ADAMTS3: variants seen among roughly 807,000 people sequenced by gnomAD.
The protein encoded by ADAMTS3 is A disintegrin and metalloproteinase with thrombospondin motifs 3.
Under a neutral mutation model 129.0 loss-of-function variants are expected in ADAMTS3, and 73 were observed. The ratio of observed to expected loss-of-function variants is 0.57; its 90% CI spans 0.47 to 0.69. The LOEUF is 0.69. Ranked by LOEUF, ADAMTS3 falls within the 30% of genes least tolerant of loss-of-function variation. The probability of loss-of-function intolerance (pLI) is 0.00; values close to 1 mark genes in which losing one functional copy is unlikely to be tolerated. For missense variants in ADAMTS3, 1,457 were observed against 1,514.5 expected (o/e 0.96, Z 0.63); for synonymous variants, 477 against 510.8 (o/e 0.93, Z 0.89).
At chr4:72,530,208 T>C (rs1296370701) in intron 3 of ADAMTS3, among the ~76,000 whole-genome samples, 4 of 45,414 alleles carry the variant, frequency 8.8e-5, no homozygotes, top group Non-Finnish European at 1.6e-4. Context: ...TTAACATATG[T>C]TATTTTAATA....
At chr4:72,486,332 C>T (rs755335382) in intron 3 of ADAMTS3, among the ~76,000 whole-genome samples, 7 of 152,132 alleles carry the variant, frequency 4.6e-5, no homozygotes, top group Non-Finnish European at 7.4e-5. Context: ...AGTACTGAGG[C>T]CACCTTGGTT....
chr4:72,378,232 T>C (rs973684834), intron 4 of ADAMTS3, among the ~76,000 whole-genome samples: 1 of 152,180 alleles, frequency 6.6e-6, no homozygotes, highest in Middle Eastern at 3.2e-3. Context: ...ACACTAAGCC[T>C]ATGAATGAAG....
intron 3 of ADAMTS3, among the ~76,000 whole-genome samples, chr4:72,525,724 C>G (rs1228650454): frequency 6.6e-6 from 1 of 152,186 alleles, no homozygotes; most frequent in Non-Finnish European, 1.5e-5. Flanking sequence ...CACAGTCTCC[C>G]TCACCTGTCC....
chr4:72,296,095 A>G (rs981825552), intron 18 of ADAMTS3, among the ~76,000 whole-genome samples: 3 of 152,062 alleles, frequency 2.0e-5, no homozygotes, highest in African/African-American at 7.2e-5. Context: ...TTAGTGACAT[A>G]GGCTTTTAGA....
At chr4:72,401,566 CAAAAAA>C (rs374322807) in intron 4 of ADAMTS3, among the ~76,000 whole-genome samples, 9 of 37,062 alleles carry the variant, frequency 2.4e-4, no homozygotes, top group East Asian at 1.7e-3. Flanking sequence ...TACTCTGTCT[CAAAAAA>C]AAAAAAAAAA....
chr4:72,532,116 T>C lies in ADAMTS3; in HGVS notation c.504+16362A>G, dbSNP rs529070108. The stretch of plus-strand genomic sequence containing the variant: ...GGAAGTCAGCTAGAAAAAACCAGTA[T>C]CCAGTACCATTGCACACATACAAGA... On this transcript the variant is annotated intron_variant, in intron 3 of 21. Transcript: ENST00000286657. Among the ~76,000 whole-genome samples the C allele has an allele frequency of 2.7e-5, 4 of 150,914 alleles. No homozygotes were observed. The East Asian group carries it at 7.8e-4, about 29-fold the overall frequency.
At chr4:72,345,124 C>T (rs765479750) in intron 4 of ADAMTS3, among the ~76,000 whole-genome samples, 49 of 152,100 alleles carry the variant, frequency 3.2e-4, no homozygotes, top group Non-Finnish European at 6.6e-4. Flanking sequence ...CTCTGTAGTG[C>T]ATCATTTCAG....
At position 72,567,415 on chromosome 4, in the gene ADAMTS3, G is replaced by A. The variant is rs1354399658; in HGVS notation, c.70-14C>T. On this transcript the variant is annotated splice_polypyrimidine_tract_variant and intron_variant, in intron 1 of 21. Transcript: ENST00000286657. ...TTCATTACCAGCCTGGAAAGGAGGGGGAAAGCAAGAAAAAGAAAGTTACTG... is the reference window on the plus strand; with the variant it reads ...TTCATTACCAGCCTGGAAAGGAGGGAGAAAGCAAGAAAAAGAAAGTTACTG... 3.1e-6 allele frequency: 5 copies of A among 1,612,986 alleles called. No individual in the cohort carries two copies. Among genetic ancestry groups the A allele is most frequent in the East Asian group, 2.2e-5 (1 of 44,838 alleles).
chr4:72,532,871 T>A (rs982171363), intron 3 of ADAMTS3, among the ~76,000 whole-genome samples: 2 of 152,166 alleles, frequency 1.3e-5, no homozygotes, highest in Non-Finnish European at 2.9e-5. Flanking sequence ...ATGGTACACA[T>A]ATATAGGGCA....
At chr4:72,330,023 G>A (rs1450377981) in intron 5 of ADAMTS3, among the ~76,000 whole-genome samples, 1 of 151,864 alleles carries the variant, frequency 6.6e-6, no homozygotes, top group Non-Finnish European at 1.5e-5. Flanking sequence ...TGGTTTTTTT[G>A]TTTGTTTGTT....
At chr4:72,390,616 T>C (rs113382023) in intron 4 of ADAMTS3, among the ~76,000 whole-genome samples, 13 of 152,306 alleles carry the variant, frequency 8.5e-5, no homozygotes, top group African/African-American at 2.9e-4. Flanking sequence ...TGATTACTCA[T>C]GACTTTGGCA....
At chr4:72,474,128 T>C (rs1274446194) in intron 3 of ADAMTS3, among the ~76,000 whole-genome samples, 1 of 151,962 alleles carries the variant, frequency 6.6e-6, no homozygotes, top group Non-Finnish European at 1.5e-5. Context: ...AAATCCAGAG[T>C]CTCAGAACAT....
rs72656077 is a variant in ADAMTS3 at position 72,552,349 on chromosome 4, A to G, written c.98-3465T>C. On this transcript the variant is annotated intron_variant, in intron 2 of 21. Transcript: ENST00000286657. ...TAAAATCATGTAGAAGATTCAATAA[A>G]TATCAGCTATTACTAATTTAAGTGT... Among the ~76,000 whole-genome samples the G allele has an allele frequency of 5.0e-3, 768 of 152,322 alleles. 3 individuals carry two copies. The highest frequency in any genetic ancestry group is 7.3e-3 in the Non-Finnish European group (500 of 68,028).
rs762377447 is a variant in ADAMTS3 at position 72,323,037 on chromosome 4, T to C, written c.922A>G (p.Met308Val). Residue 308 changes from methionine (M) to valine (V), a missense_variant, in exon 6 of 22, where the codon ATG (methionine) becomes GTG (valine). By Grantham distance (21) the Met-to-Val change is conservative. Transcript: ENST00000286657. Reference protein sequence around the residue: ...GVHINVVLVRMIMLGYAKSIS... With the variant: ...GVHINVVLVRVIMLGYAKSIS... ...ACCTTTGCATATCCCAGCATTATCA[T>C]GCGCACCAGGACCACATTTATATGC... is the stretch of plus-strand genomic sequence containing the variant. 12 of 1,613,508 alleles carry C rather than the reference T, an allele frequency of 7.4e-6. No individual in the cohort carries two copies. The highest frequency in any genetic ancestry group is 1.0e-5 in the Non-Finnish European group (12 of 1,179,700).
At chr4:72,465,549 A>G (rs541760789) in intron 3 of ADAMTS3, among the ~76,000 whole-genome samples, 106 of 152,144 alleles carry the variant, frequency 7.0e-4, no homozygotes, top group African/African-American at 2.6e-3. Context: ...TCATTCATTC[A>G]AACATTTGTT....
chr4:72,373,161 C>T (rs1226392198), intron 4 of ADAMTS3, among the ~76,000 whole-genome samples: 1 of 152,088 alleles, frequency 6.6e-6, no homozygotes, highest in Non-Finnish European at 1.5e-5. Flanking sequence ...TAAAACATAG[C>T]ACAGGTTTGA....
chr4:72,518,347 T>A (rs544143068), intron 3 of ADAMTS3, among the ~76,000 whole-genome samples: 1 of 152,208 alleles, frequency 6.6e-6, no homozygotes, highest in Non-Finnish European at 1.5e-5. Context: ...TAGATGTCTA[T>A]TAGGTACACT....
At chr4:72,284,003 T>C (rs1718432488) in intron 21 of ADAMTS3, among the ~76,000 whole-genome samples, 1 of 152,154 alleles carries the variant, frequency 6.6e-6, no homozygotes, top group African/African-American at 2.4e-5. Context: ...GATTTTAGAA[T>C]GGGCAAAGAT....
rs919698865 is a variant in ADAMTS3, at chr4:72,556,579, A to G, written c.98-7695T>C. Reference sequence around the variant, plus strand: ...ATATTGAAATACTTGTGATTGATGCATATGGCTCCAAGCAAGGAAGAGATT... The same window carrying G: ...ATATTGAAATACTTGTGATTGATGCGTATGGCTCCAAGCAAGGAAGAGATT... On this transcript the variant is annotated intron_variant, in intron 2 of 21. Transcript: ENST00000286657. Among the ~76,000 whole-genome samples, 4 of 151,818 alleles carry G rather than the reference A, an allele frequency of 2.6e-5. 1 individual carries two copies. Among genetic ancestry groups the G allele is most frequent in the Admixed American group, 2.0e-4 (3 of 15,270 alleles).
Sources: allele counts gnomAD v4.1 joint callset (sites outside exome capture counted in the v4.1 genomes callset), GRCh38; gene constraint gnomAD v4.1.1; transcripts MANE v1.5; gene names NCBI Gene and HGNC (gene_info 2026-07-23, HGNC 2026-07-21).